RBFOX3: variants seen among roughly 807,000 people sequenced by gnomAD.
RBFOX3 encodes RNA binding protein fox-1 homolog 3.
Under a neutral mutation model 48.7 loss-of-function variants are expected in RBFOX3, and 17 were observed. The observed-to-expected ratio is 0.35, with a 90% CI of 0.24 to 0.52. The LOEUF is 0.52. Ranked by LOEUF, RBFOX3 falls within the 20% of genes least tolerant of loss-of-function variation. The pLI, the probability that RBFOX3 is intolerant of heterozygous loss-of-function variation, is 0.94. For missense variants in RBFOX3, 382 were observed against 497.5 expected (o/e 0.77, Z 2.21); for synonymous variants, 212 against 209.5 (o/e 1.01, Z -0.10).
At chr17:79,132,205 G>A (rs2039079317) in intron 4 of RBFOX3, among the ~76,000 whole-genome samples, 2 of 151,032 alleles carry the variant, frequency 1.3e-5, no homozygotes, top group Admixed American at 6.6e-5. Context: ...CTGGCCAGCT[G>A]GGGCTGAGGT....
At chr17:79,141,202 G>A (rs1461693511) in intron 4 of RBFOX3, among the ~76,000 whole-genome samples, 1 of 152,156 alleles carries the variant, frequency 6.6e-6, no homozygotes, top group Admixed American at 6.5e-5. Context: ...AATTGGGAGG[G>A]GTCAAAAGAC....
chr17:79,367,965 A>T (rs1207230944), intron 2 of RBFOX3, among the ~76,000 whole-genome samples: 1 of 152,202 alleles, frequency 6.6e-6, no homozygotes, highest in Non-Finnish European at 1.5e-5. Context: ...AATTAACTTC[A>T]GCCAAAGACA....
At chr17:79,245,752 C>T (rs565660344) in intron 3 of RBFOX3, among the ~76,000 whole-genome samples, 2 of 151,912 alleles carry the variant, frequency 1.3e-5, no homozygotes, top group East Asian at 1.9e-4. Context: ...TTCAGCCTCC[C>T]GTGTAGCTGG....
intron 2 of RBFOX3, among the ~76,000 whole-genome samples, chr17:79,408,607 T>A (rs952880912): frequency 6.6e-6 from 1 of 152,200 alleles, no homozygotes; most frequent in African/African-American, 2.4e-5. Flanking sequence ...GGGTGCTGGA[T>A]GGAAGGCAGG....
chr17:79,366,649 G>A (rs372064394), intron 2 of RBFOX3, among the ~76,000 whole-genome samples: 29 of 152,194 alleles, frequency 1.9e-4, no homozygotes, highest in African/African-American at 6.5e-4. Context: ...CCGCCTCGCC[G>A]CCAGCCCAGC....
At chr17:79,308,810 A>T (rs1318171054) in intron 2 of RBFOX3, among the ~76,000 whole-genome samples, 1 of 136,454 alleles carries the variant, frequency 7.3e-6, no homozygotes, top group Non-Finnish European at 1.5e-5. Flanking sequence ...CCCAGTCTCC[A>T]CAACTGTAAG....
In RBFOX3 at chr17:79,385,257, A is replaced by G. The variant is rs569760655; in HGVS notation, c.-174-77433T>C. Among the ~76,000 whole-genome samples the G allele has an allele frequency of 8.5e-5, 13 of 152,314 alleles. 1 individual carries two copies. Among genetic ancestry groups the G allele is most frequent in the African/African-American group, 3.1e-4 (13 of 41,592 alleles). On this transcript the variant is annotated intron_variant, in intron 2 of 14. Coordinates refer to ENST00000693108, the MANE Select transcript of RBFOX3 (RefSeq NM_001350451.2). ...AACAAGGCAGAAAGAAGCCCTTGGC[A>G]GCTCAAACCAGAGCACCCAGCAGGG...
At chr17:79,476,935 GGAA>G (rs1446271196) in intron 2 of RBFOX3, among the ~76,000 whole-genome samples, 2 of 151,868 alleles carry the variant, frequency 1.3e-5, no homozygotes, top group South Asian at 4.2e-4. Context: ...AGACGGAAGA[GGAA>G]GAAGAAGAAA....
At position 79,125,682 on chromosome 17, in the gene RBFOX3, G is replaced by A. The variant is rs780230302; in HGVS notation, c.-33-9934C>T. On this transcript the variant is annotated intron_variant, in intron 4 of 14. Transcript: ENST00000693108. The stretch of plus-strand genomic sequence containing the variant: ...CTCCCTCTCCTCTCAGGCCCTCCAG[G>A]ACAATGAAGCTAATTGCCTTCAGAC... Among the ~76,000 whole-genome samples, 228 of 152,358 alleles carry A rather than the reference G, an allele frequency of 1.5e-3. 1 individual carries two copies. The highest frequency in any genetic ancestry group is 6.8e-3 in the Middle Eastern group (2 of 294).
chr17:79,435,537 G>A (rs2069248547), intron 2 of RBFOX3, among the ~76,000 whole-genome samples: 1 of 152,202 alleles, frequency 6.6e-6, no homozygotes, highest in Non-Finnish European at 1.5e-5. Flanking sequence ...AGGAGAATGA[G>A]CACAGTCACC....
intron 1 of RBFOX3, among the ~76,000 whole-genome samples, chr17:79,602,856 C>A (rs1403227769): frequency 6.6e-6 from 1 of 152,248 alleles, no homozygotes; most frequent in East Asian, 1.9e-4. Context: ...AGGCCATGAT[C>A]CTGCTTCCTT....
chr17:79,217,034 C>A lies in RBFOX3; in HGVS notation c.-34+18732G>T, dbSNP rs142214829. ...CCCCCAAAGCAGGCAGGGGGCCCCC[C>A]ACTCTGGGCCTCTCTCACAGAACAG... On this transcript the variant is annotated intron_variant, in intron 4 of 14. Coordinates refer to ENST00000693108, the MANE Select transcript of RBFOX3 (RefSeq NM_001350451.2). Among the ~76,000 whole-genome samples the A allele has an allele frequency of 2.0e-5, 3 of 152,316 alleles. No homozygotes were observed. In the East Asian group the frequency reaches 5.8e-4, roughly 29 times the overall value.
chr17:79,215,811 C>T (rs1434164267), intron 4 of RBFOX3, among the ~76,000 whole-genome samples: 2 of 152,276 alleles, frequency 1.3e-5, no homozygotes, highest in Admixed American at 1.3e-4. Context: ...CCCACTGCCT[C>T]GGTGCCTGCT....
At chr17:79,145,679 G>A (rs1377348098) in intron 4 of RBFOX3, among the ~76,000 whole-genome samples, 1 of 152,230 alleles carries the variant, frequency 6.6e-6, no homozygotes, top group East Asian at 1.9e-4. Context: ...CTGTGGTTGT[G>A]TTTTTTCTGC....
intron 2 of RBFOX3, among the ~76,000 whole-genome samples, chr17:79,451,004 C>A (rs937745364): frequency 6.6e-6 from 1 of 152,158 alleles, no homozygotes; most frequent in African/African-American, 2.4e-5. Flanking sequence ...CATTCTCATC[C>A]GAGAGCTCTG....
At chr17:79,412,486 T>C (rs1216235178) in intron 2 of RBFOX3, among the ~76,000 whole-genome samples, 2 of 151,956 alleles carry the variant, frequency 1.3e-5, no homozygotes, top group Non-Finnish European at 2.9e-5. Flanking sequence ...TGCACATATG[T>C]ATACATGTAT....
intron 3 of RBFOX3, among the ~76,000 whole-genome samples, chr17:79,247,247 A>G (rs1380389689): frequency 1.3e-5 from 2 of 151,394 alleles, no homozygotes; most frequent in Non-Finnish European, 2.9e-5. Flanking sequence ...CAGCCAGCTC[A>G]TCTCCCCACC....
At position 79,292,149 on chromosome 17, in the gene RBFOX3, G is replaced by A. The variant is rs56269120; in HGVS notation, c.-74+15575C>T. Among the ~76,000 whole-genome samples the A allele has an allele frequency of 4.9e-3, 741 of 152,190 alleles. 12 individuals are homozygous for A. Among genetic ancestry groups the A allele is most frequent in the African/African-American group, 0.017 (708 of 41,488 alleles). ...TTCCAGTAATCATATTGTGGTAATA[G>A]AGGGGTTGCCTGAAAACCACAGGAA... On this transcript the variant is annotated intron_variant, in intron 3 of 14. Transcript: ENST00000693108.
At chr17:79,110,470 G>A (rs1049849114) in intron 5 of RBFOX3, among the ~76,000 whole-genome samples, 10 of 152,210 alleles carry the variant, frequency 6.6e-5, no homozygotes, top group South Asian at 4.1e-4. Flanking sequence ...GGTGGGACCC[G>A]GTGGCTGTTG....
Sources: gnomAD v4.1 joint callset for allele counts (sites outside exome capture counted in the v4.1 genomes callset) on GRCh38, gnomAD v4.1.1 for gene constraint, MANE v1.5 for transcripts, NCBI Gene and HGNC (gene_info 2026-07-23, HGNC 2026-07-21) for gene names.